Variants in FGF12 observed in about 807,000 individuals in gnomAD.
FGF12 encodes the protein fibroblast growth factor 12B.
FGF12 carries 14 observed loss-of-function variants against 23.6 expected under a neutral mutation model. The observed-to-expected ratio is 0.59, with a 90% CI of 0.39 to 0.93. The LOEUF (loss-of-function observed/expected upper bound fraction) is 0.93. Ranked by LOEUF, FGF12 falls within the 40% of genes least tolerant of loss-of-function variation. The probability of loss-of-function intolerance (pLI) is 0.00; values close to 1 mark genes in which losing one functional copy is unlikely to be tolerated. For synonymous variants in FGF12, 62 were observed against 77.3 expected, an observed-to-expected ratio of 0.80 and a Z score of 1.04; for missense variants, 175 against 217.8, an observed-to-expected ratio of 0.80 and a Z score of 1.24.
chr3:192,384,665 C>T (rs753682360), intron 2 of FGF12, among the ~76,000 whole-genome samples: 9 of 152,274 alleles, frequency 5.9e-5, no homozygotes, highest in Non-Finnish European at 1.0e-4. Flanking sequence ...CACATACACA[C>T]GCACATATAC....
intron 2 of FGF12, among the ~76,000 whole-genome samples, chr3:192,646,213 TATCAATCA>T (rs3043792): frequency 6.6e-6 from 1 of 150,458 alleles, no homozygotes; most frequent in East Asian, 2.0e-4. Context: ...TGAGACACAA[TATCAATCA>T]ATCAATCAAT....
rs1724602772 is a variant in FGF12, at chr3:192,514,693, C to A, written c.14-154155G>T. On this transcript the variant is annotated intron_variant, in intron 2 of 5. Transcript: ENST00000445105. This position sits in a 1 kb window ranked among gnomAD's most constrained non-coding sequence, Gnocchi z 4.9. ...ACTTGGGCTGTCGCTGGACCTCAGG[C>A]TCCTTCCACAGAGACACTGCAGCAT... 4.1e-6 allele frequency: 4 copies of A among 985,300 alleles called. No homozygotes were observed. Among genetic ancestry groups the A allele is most frequent in the South Asian group, 4.7e-5 (1 of 21,292 alleles). 61.0% of individuals were successfully genotyped at this position (985,300 alleles called of 1,614,324 possible).
rs35890040 is a variant in FGF12 at position 192,205,766 on chromosome 3, T to C, written c.229-35110A>G. On this transcript the variant is annotated intron_variant, in intron 4 of 5. Coordinates refer to ENST00000445105, the MANE Select transcript of FGF12 (RefSeq NM_004113.6). ...CTCCCTGCTATAATTGATTATGGGA[T>C]CATAGAGGAGGCCTTGAAGTGGTGT... Among the ~76,000 whole-genome samples the C allele has an allele frequency of 4.8e-3, 736 of 152,260 alleles. 2 individuals are homozygous for C. The highest frequency in any genetic ancestry group is 0.013 in the South Asian group (62 of 4,824).
At chr3:192,248,629 T>A (rs1413711407) in intron 4 of FGF12, among the ~76,000 whole-genome samples, 1 of 151,996 alleles carries the variant, frequency 6.6e-6, no homozygotes, top group East Asian at 1.9e-4. Context: ...AAACAAAAAA[T>A]TAGCCAGGTG....
At chr3:192,677,603 T>C (rs909126606) in intron 2 of FGF12, among the ~76,000 whole-genome samples, 3 of 152,176 alleles carry the variant, frequency 2.0e-5, no homozygotes, top group South Asian at 4.1e-4. Flanking sequence ...AACTCTAAAA[T>C]TGGAAACTGA....
At chr3:192,253,017 A>G (rs1424586867) in intron 4 of FGF12, among the ~76,000 whole-genome samples, 1 of 152,158 alleles carries the variant, frequency 6.6e-6, no homozygotes, top group Non-Finnish European at 1.5e-5. Flanking sequence ...AAATGGATTT[A>G]TGAATTGATC....
Position 192,565,685 on chromosome 3 carries a change from T to C in FGF12, c.13+161496A>G, listed in dbSNP as rs1202083998. On this transcript the variant is annotated intron_variant, in intron 2 of 5. Coordinates refer to ENST00000445105, the MANE Select transcript of FGF12 (RefSeq NM_004113.6). ...TGGGCTATACACTACAGCCTAGTTG[T>C]ATAGTAGGCTATATGATCTAGGTTT... Among the ~76,000 whole-genome samples, 7 of 152,230 alleles carry C rather than the reference T, an allele frequency of 4.6e-5. No individual in the cohort carries two copies. The East Asian group carries it at 9.6e-4, about 21-fold the overall frequency.
At chr3:192,635,651 G>T in intron 2 of FGF12, among the ~76,000 whole-genome samples, 1 of 152,124 alleles carries the variant, frequency 6.6e-6, no homozygotes, top group East Asian at 1.9e-4. Flanking sequence ...TCAGTTATTT[G>T]ATATCACTTC....
In FGF12 at chr3:192,514,561, A is replaced by T; in HGVS notation, c.14-154023T>A. The T allele has an allele frequency of 2.4e-6, 1 of 418,414 alleles. No individual in the cohort carries two copies. The highest frequency in any genetic ancestry group is 3.2e-6 in the Non-Finnish European group (1 of 311,774). The allele number at this position is 418,414 out of a possible 1,614,324, so 25.9% of individuals were successfully genotyped here. On this transcript the variant is annotated intron_variant, in intron 2 of 5. Transcript: ENST00000445105. The surrounding 1 kb of genome is among the most constrained non-coding windows in gnomAD (Gnocchi z 4.9). ...AGTCGGGAAACGCCTTCCCTCCGCC[A>T]CAGGCAGCGCTGAATGAAGCAGAGG...
intron 4 of FGF12, among the ~76,000 whole-genome samples, chr3:192,302,841 T>C (rs995970175): frequency 2.6e-5 from 4 of 152,138 alleles, no homozygotes; most frequent in African/African-American, 9.7e-5. Context: ...GTGAAGAACA[T>C]TCCAGGCAGA....
At chr3:192,364,627 C>T (rs1287082941) in intron 2 of FGF12, among the ~76,000 whole-genome samples, 1 of 152,180 alleles carries the variant, frequency 6.6e-6, no homozygotes, top group Admixed American at 6.5e-5. Flanking sequence ...CCTCCACACT[C>T]TCTTTTCCTT....
At chr3:192,392,548 A>G (rs918257907) in intron 2 of FGF12, among the ~76,000 whole-genome samples, 8 of 149,182 alleles carry the variant, frequency 5.4e-5, no homozygotes, top group Non-Finnish European at 1.0e-4. Flanking sequence ...GTGAACCAAG[A>G]TTGCGCCATT....
chr3:192,395,129 T>G (rs2002582), intron 2 of FGF12, among the ~76,000 whole-genome samples: 2 of 151,934 alleles, frequency 1.3e-5, no homozygotes, highest in African/African-American at 4.8e-5. Flanking sequence ...CTTTTCCATA[T>G]TGGCTGCACC....
chr3:192,168,574 T>G (rs9871845), intron 5 of FGF12, among the ~76,000 whole-genome samples: 2 of 152,024 alleles, frequency 1.3e-5, no homozygotes, highest in Non-Finnish European at 2.9e-5. Context: ...ACATTTTACT[T>G]TTGCTCTGAG....
At chr3:192,470,126 AG>A (rs1360527279) in intron 2 of FGF12, among the ~76,000 whole-genome samples, 1 of 152,214 alleles carries the variant, frequency 6.6e-6, no homozygotes, top group Non-Finnish European at 1.5e-5. Context: ...GCAATGTGTA[AG>A]AAGTCAATGA....
intron 2 of FGF12, among the ~76,000 whole-genome samples, chr3:192,581,509 T>TAC (rs1553834470): frequency 2.2e-5 from 3 of 138,482 alleles, no homozygotes; most frequent in African/African-American, 8.0e-5. Context: ...TATATATATA[T>TAC]ACAGGAAGAA....
At chr3:192,350,889 T>C (rs1054295960) in intron 3 of FGF12, among the ~76,000 whole-genome samples, 2 of 152,274 alleles carry the variant, frequency 1.3e-5, no homozygotes, top group East Asian at 1.9e-4. Flanking sequence ...GTGTGGAAAA[T>C]AGGCTGATGC....
chr3:192,456,634 T>G (rs1398299410), intron 2 of FGF12, among the ~76,000 whole-genome samples: 1 of 152,118 alleles, frequency 6.6e-6, no homozygotes, highest in Non-Finnish European at 1.5e-5. Flanking sequence ...ATTTAAAAGT[T>G]AAAAAAATGA....
chr3:192,242,352 C>A (rs1719663927), intron 4 of FGF12, among the ~76,000 whole-genome samples: 1 of 152,136 alleles, frequency 6.6e-6, no homozygotes, highest in South Asian at 2.1e-4. Context: ...AGCCAGATGC[C>A]AGTAGCCCTC....
Sources: allele counts gnomAD v4.1 joint callset (sites outside exome capture counted in the v4.1 genomes callset), GRCh38; gene constraint gnomAD v4.1.1; non-coding constraint Gnocchi (gnomAD v3.1); transcripts MANE v1.5; gene names NCBI Gene and HGNC (gene_info 2026-07-23, HGNC 2026-07-21).